ZFP90: variants seen among roughly 807,000 people sequenced by gnomAD.
The protein encoded by ZFP90 is ZFP90 zinc finger protein.
Under a neutral mutation model 60.8 loss-of-function variants are expected in ZFP90, and 38 were observed. That is an observed-to-expected ratio of 0.62 (90% confidence interval 0.48 to 0.82). The LOEUF is 0.82. Ranked by LOEUF, ZFP90 falls within the 40% of genes least tolerant of loss-of-function variation. The pLI is 0.00. For missense variants in ZFP90, 711 were observed against 759.1 expected (o/e 0.94, Z 0.74); for synonymous variants, 287 against 264.8 (o/e 1.08, Z -0.82).
chr16:68,554,143 A>T (rs1434344287), intron 2 of ZFP90, among the ~76,000 whole-genome samples: 1 of 144,084 alleles, frequency 6.9e-6, no homozygotes, highest in Non-Finnish European at 1.5e-5. Flanking sequence ...TTTTTTTGAG[A>T]TGGAGTCTCG....
Position 68,566,470 on chromosome 16 carries a change from A to G in ZFP90, c.*1772A>G, listed in dbSNP as rs1253116594. 2 of 985,562 alleles carry G rather than the reference A, an allele frequency of 2.0e-6. No individual in the cohort carries two copies. The highest frequency in any genetic ancestry group is 2.4e-6 in the Non-Finnish European group (2 of 829,926). The allele number at this position is 985,562 out of a possible 1,614,324, so 61.1% of individuals were successfully genotyped here. Reference sequence around the variant, plus strand: ...TTGCCTTTCTCTCATCATGGATGGCATGCAGCAGCACCCAAGTATTCTTCA... The same window carrying G: ...TTGCCTTTCTCTCATCATGGATGGCGTGCAGCAGCACCCAAGTATTCTTCA... On this transcript the variant is annotated 3_prime_UTR_variant, in exon 5 of 5. Transcript: ENST00000563169.
intron 2 of ZFP90, among the ~76,000 whole-genome samples, chr16:68,534,231 TTC>T (rs1356519081): frequency 2.0e-5 from 3 of 148,132 alleles, no homozygotes; most frequent in African/African-American, 5.0e-5. Flanking sequence ...TTTTCTTTCT[TTC>T]TTTTTTTTTT....
At chr16:68,558,705 C>A in intron 4 of ZFP90, 137 bp downstream of exon 4, 1 of 684,892 alleles carries the variant, frequency 1.5e-6, no homozygotes, top group Non-Finnish European at 2.5e-6. Context: ...TGGCCGACAC[C>A]TTGTAGGTCT....
intron 2 of ZFP90, among the ~76,000 whole-genome samples, chr16:68,543,699 T>G (rs1423970575): frequency 6.6e-6 from 1 of 152,026 alleles, no homozygotes; most frequent in African/African-American, 2.4e-5. Flanking sequence ...TAGCTGGGAT[T>G]ACAGGCATGT....
intron 2 of ZFP90, among the ~76,000 whole-genome samples, chr16:68,541,152 C>A (rs891648854): frequency 2.0e-5 from 3 of 152,098 alleles, no homozygotes; most frequent in African/African-American, 7.2e-5. Context: ...TCTCCTGCCT[C>A]AACCTCCCTA....
At chr16:68,557,491 G>A (rs2152070133) in intron 2 of ZFP90, among the ~76,000 whole-genome samples, 1 of 152,076 alleles carries the variant, frequency 6.6e-6, no homozygotes, top group African/African-American at 2.4e-5. Flanking sequence ...AATATGTATG[G>A]TATTTCATAA....
intron 2 of ZFP90, among the ~76,000 whole-genome samples, chr16:68,554,125 GTTT>G (rs68155311): frequency 2.4e-5 from 3 of 123,032 alleles, no homozygotes. Context: ...GTTTTGTTTT[GTTT>G]TTTTTTTTTT....
chr16:68,543,445 A>C (rs186716876), intron 2 of ZFP90, among the ~76,000 whole-genome samples: 2 of 152,270 alleles, frequency 1.3e-5, no homozygotes, highest in Non-Finnish European at 2.9e-5. Flanking sequence ...TGGGACTAGG[A>C]GCAGAGATGG....
chr16:68,549,524 A>C (rs2091216234), intron 2 of ZFP90, among the ~76,000 whole-genome samples: 1 of 151,858 alleles, frequency 6.6e-6, no homozygotes, highest in South Asian at 2.1e-4. Flanking sequence ...AAAAATACAA[A>C]AAAAATTAGC....
Position 68,564,064 on chromosome 16 carries a change from A to G in ZFP90, c.1277A>G (p.Asn426Ser). 1.9e-6 allele frequency: 3 copies of G among 1,614,150 alleles called. No homozygotes were observed. The highest frequency in any genetic ancestry group is 2.5e-6 in the Non-Finnish European group (3 of 1,180,010). The change falls in exon 5 of 5, where the codon AAC becomes AGC. Residue 426 changes from asparagine (N) to serine (S), a missense_variant. Around this residue, in one of 5 missense-constraint regions of ZFP90, gnomAD observed 295 missense variants for 274.0 expected, o/e 1.08. Coordinates refer to ENST00000563169, the MANE Select transcript of ZFP90 (RefSeq NM_001305203.2). ...HKRGKPYQSSNYSIDFKHSTS... is the reference protein window; with the variant it reads ...HKRGKPYQSSSYSIDFKHSTS... ...AGAGGCAAACCTTACCAAAGCAGTA[A>G]CTACAGCATAGATTTCAAGCACAGC... is the stretch of plus-strand genomic sequence containing the variant.
rs1208133369 is a variant in ZFP90, at chr16:68,566,627, C to A, written c.*1929C>A. ...CTTCTGAGATGCTGACCATCCAAAA[C>A]ACCTTGTTTATGGTGCACCATGATT... is the stretch of plus-strand genomic sequence containing the variant. On this transcript the variant is annotated 3_prime_UTR_variant, in exon 5 of 5. Coordinates refer to ENST00000563169, the MANE Select transcript of ZFP90 (RefSeq NM_001305203.2). The A allele has an allele frequency of 8.1e-6, 8 of 985,464 alleles. No homozygotes were observed. Among genetic ancestry groups the A allele is most frequent in the African/African-American group, 1.7e-5 (1 of 57,212 alleles). The allele number at this position is 985,464 out of a possible 1,614,324, so 61.0% of individuals were successfully genotyped here. A position where few individuals can be genotyped will look rare whatever the true frequency, so the allele number is the denominator to read the frequency against.
intron 2 of ZFP90, among the ~76,000 whole-genome samples, chr16:68,547,708 A>G (rs1282209442): frequency 6.6e-6 from 1 of 152,216 alleles, no homozygotes; most frequent in East Asian, 1.9e-4. Context: ...TGAATGTACC[A>G]AAATTTATTT....
intron 4 of ZFP90, among the ~76,000 whole-genome samples, chr16:68,561,204 ATCT>A (rs2091435024): frequency 1.3e-5 from 2 of 152,320 alleles, no homozygotes; most frequent in African/African-American, 4.8e-5. Context: ...CTAATGCTTT[ATCT>A]TCTTAAAATT....
chr16:68,562,720 A>G (rs2091456484), intron 4 of ZFP90: 2 of 496,552 alleles, frequency 4.0e-6, no homozygotes, highest in South Asian at 4.9e-5. Context: ...CATGGAGAGC[A>G]TATAGGATCC....
intron 4 of ZFP90, among the ~76,000 whole-genome samples, chr16:68,561,877 A>G (rs1190267488): frequency 6.6e-6 from 1 of 152,178 alleles, no homozygotes; most frequent in Non-Finnish European, 1.5e-5. Flanking sequence ...TCCTCTCTCA[A>G]CATTTTATTA....
intron 2 of ZFP90, among the ~76,000 whole-genome samples, chr16:68,554,033 AGGTAAGAGAT>A (rs1032030223): frequency 2.4e-4 from 36 of 152,242 alleles, no homozygotes; most frequent in African/African-American, 7.7e-4. Context: ...GCAGTAGTTC[AGGTAAGAGAT>A]GGTGACACGA....
At chr16:68,569,211 A>G (rs912883572), downstream of ZFP90, among the ~76,000 whole-genome samples, 2 of 147,130 alleles carry the variant, frequency 1.4e-5, no homozygotes, top group African/African-American at 5.1e-5. Flanking sequence ...ATCTCAACTC[A>G]CTGCAACTTC....
At chr16:68,535,571 G>C (rs1480461537), upstream of ZFP90, 1 of 152,130 alleles carries the variant, frequency 6.6e-6, no homozygotes, top group African/African-American at 2.4e-5. Flanking sequence ...CACAATTATT[G>C]CTAATTGAAA....
rs989006559 is a variant in ZFP90, at chr16:68,545,758, T to C, written c.33+5933T>C. 1.1e-3 allele frequency among the ~76,000 whole-genome samples: 169 copies of C among 152,298 alleles called. 1 individual carries two copies. Among genetic ancestry groups the C allele is most frequent in the African/African-American group, 3.8e-3 (160 of 41,560 alleles). On this transcript the variant is annotated intron_variant, in intron 2 of 4. Coordinates refer to ENST00000563169, the MANE Select transcript of ZFP90 (RefSeq NM_001305203.2). Reference sequence around the variant, plus strand: ...TGAACCTGGGAGGCGGAGCTTTTAGTGAGCAGAGATCACGCCACTGCACTC... The same window carrying C: ...TGAACCTGGGAGGCGGAGCTTTTAGCGAGCAGAGATCACGCCACTGCACTC...
Sources: gnomAD v4.1 joint callset for allele counts (sites outside exome capture counted in the v4.1 genomes callset) on GRCh38, gnomAD v4.1.1 for gene constraint, gnomAD v4.1.1 regional missense constraint, MANE v1.5 for transcripts, NCBI Gene and HGNC (gene_info 2026-07-23, HGNC 2026-07-21) for gene names.